Variants in CRIM1 observed in about 807,000 individuals in gnomAD.
The protein encoded by CRIM1 is cysteine rich transmembrane BMP regulator 1, also known as cysteine-rich motor neuron 1 protein.
A neutral mutation model predicts 116.4 loss-of-function variants in CRIM1; 32 were observed. That is an observed-to-expected ratio of 0.27 (90% CI 0.21 to 0.37). The LOEUF is 0.37. Ranked by LOEUF, CRIM1 falls within the 10% of genes least tolerant of loss-of-function variation. CRIM1 has a pLI of 1.00. For missense variants in CRIM1, 1,331 were observed against 1,354.8 expected (o/e 0.98, Z 0.28); for synonymous variants, 590 against 509.2 (o/e 1.16, Z -2.13).
intron 16 of CRIM1, among the ~76,000 whole-genome samples, chr2:36,547,482 A>G (rs112013534): frequency 2.0e-5 from 3 of 152,212 alleles, no homozygotes; most frequent in African/African-American, 7.2e-5. Flanking sequence ...ATCATTGTTT[A>G]TATTAGACAT....
At chr2:36,535,588 T>A (rs1666490270) in intron 13 of CRIM1, among the ~76,000 whole-genome samples, 1 of 152,122 alleles carries the variant, frequency 6.6e-6, no homozygotes, top group Admixed American at 6.5e-5. Context: ...ATGAGAAAAA[T>A]GATAGAAGTT....
intron 7 of CRIM1, among the ~76,000 whole-genome samples, chr2:36,496,845 C>T (rs1183121707): frequency 6.6e-6 from 1 of 152,138 alleles, no homozygotes; most frequent in Non-Finnish European, 1.5e-5. Context: ...CCATTTGTTC[C>T]TTTCACTTTC....
intron 1 of CRIM1, among the ~76,000 whole-genome samples, chr2:36,395,492 C>A (rs536432099): frequency 3.9e-4 from 59 of 152,268 alleles, no homozygotes; most frequent in African/African-American, 1.3e-3. Context: ...TGTGAAAAAA[C>A]CCCATATAAT....
At chr2:36,499,397 G>A (rs1314904282) in intron 8 of CRIM1, 50 bp downstream of exon 8, 1 of 1,549,140 alleles carries the variant, frequency 6.5e-7, no homozygotes, top group Non-Finnish European at 8.9e-7. Context: ...ATATGATATT[G>A]TCAAAGCATA....
At chr2:36,468,700 C>T (rs1335286777) in intron 5 of CRIM1, among the ~76,000 whole-genome samples, 2 of 152,208 alleles carry the variant, frequency 1.3e-5, no homozygotes, top group Non-Finnish European at 2.9e-5. Flanking sequence ...TCAGCTGGAG[C>T]TGGACAATGG....
chr2:36,475,302 A>G lies in CRIM1; in HGVS notation c.992-1587A>G, dbSNP rs146762536. Among the ~76,000 whole-genome samples the G allele has an allele frequency of 1.5e-3, 235 of 152,278 alleles. 1 individual carries two copies. Among genetic ancestry groups the G allele is most frequent in the Admixed American group, 3.7e-3 (57 of 15,298 alleles). ...TGTTATTTTCAAAATACAAGTTTGT[A>G]CTTATGTTATTACATTTATTCCTAA... On this transcript the variant is annotated intron_variant, in intron 5 of 16. Coordinates refer to ENST00000280527, the MANE Select transcript of CRIM1 (RefSeq NM_016441.3).
At chr2:36,403,962 T>G (rs1672601361) in intron 2 of CRIM1, among the ~76,000 whole-genome samples, 1 of 152,126 alleles carries the variant, frequency 6.6e-6, no homozygotes, top group African/African-American at 2.4e-5. Context: ...TAATGACTTT[T>G]TGAGTACATA....
chr2:36,514,952 C>T (rs1166840200), intron 11 of CRIM1, among the ~76,000 whole-genome samples: 3 of 152,140 alleles, frequency 2.0e-5, no homozygotes, highest in Non-Finnish European at 2.9e-5. Flanking sequence ...TGTTTTGTTT[C>T]CCTGTAGTTC....
At chr2:36,422,208 T>C (rs988228743) in intron 2 of CRIM1, among the ~76,000 whole-genome samples, 2 of 151,894 alleles carry the variant, frequency 1.3e-5, no homozygotes, top group Non-Finnish European at 1.5e-5. Context: ...GGGATTTGTC[T>C]CTATTTTGCG....
At chr2:36,542,703 G>A (rs898841561) in intron 14 of CRIM1, among the ~76,000 whole-genome samples, 1 of 152,224 alleles carries the variant, frequency 6.6e-6, no homozygotes, top group Non-Finnish European at 1.5e-5. Context: ...GACTAGGCAG[G>A]GGAGGGGCAG....
intron 2 of CRIM1, among the ~76,000 whole-genome samples, chr2:36,412,059 G>C (rs1370788874): frequency 1.3e-5 from 2 of 152,090 alleles, no homozygotes; most frequent in Admixed American, 6.5e-5. Context: ...GTCGAAAACT[G>C]TCTTCCTTTT....
chr2:36,522,504 A>T (rs147286657), intron 13 of CRIM1, among the ~76,000 whole-genome samples, 191 bp downstream of exon 13: 2 of 152,304 alleles, frequency 1.3e-5, no homozygotes, highest in African/African-American at 2.4e-5. Flanking sequence ...GAGGTGCTGT[A>T]AGAATAAATA....
chr2:36,515,181 G>A (rs1664957257), intron 11 of CRIM1, among the ~76,000 whole-genome samples: 1 of 152,152 alleles, frequency 6.6e-6, no homozygotes, highest in Non-Finnish European at 1.5e-5. Context: ...TTTGTACCTG[G>A]GTCTTTGCTA....
chr2:36,383,490 T>C (rs1426313933), intron 1 of CRIM1, among the ~76,000 whole-genome samples: 1 of 152,264 alleles, frequency 6.6e-6, no homozygotes, highest in African/African-American at 2.4e-5. Context: ...TGCTTCTTTT[T>C]TTCCATGCAG....
rs575535762 is a variant in CRIM1 at position 36,491,943 on chromosome 2, C to T, written c.1373-7276C>T. Among the ~76,000 whole-genome samples, 16 of 152,180 alleles carry T rather than the reference C, an allele frequency of 1.1e-4. No individual in the cohort carries two copies. In the South Asian group the frequency reaches 3.3e-3, roughly 32 times the overall value. ...TATAAAAGATCTAGATTCTTAGAAT[C>T]CAGTGATAATTTTGTGAGCTATCTC... On this transcript the variant is annotated intron_variant, in intron 7 of 16. Transcript: ENST00000280527.
intron 2 of CRIM1, among the ~76,000 whole-genome samples, chr2:36,425,025 A>G (rs1260703132): frequency 6.6e-6 from 1 of 152,150 alleles, no homozygotes; most frequent in Non-Finnish European, 1.5e-5. Context: ...AGATGAAAAT[A>G]ATTGTCCAAA....
intron 1 of CRIM1, among the ~76,000 whole-genome samples, chr2:36,389,897 A>G (rs1055829859): frequency 6.6e-6 from 1 of 152,186 alleles, no homozygotes; most frequent in African/African-American, 2.4e-5. Flanking sequence ...GCTCCTTAGC[A>G]CAGGGGGCTA....
At chr2:36,517,260 A>G in intron 11 of CRIM1, 67 bp from the exon 12 acceptor site, 2 of 1,300,928 alleles carry the variant, frequency 1.5e-6, no homozygotes, top group Non-Finnish European at 2.2e-6. Flanking sequence ...AGCAAACAGC[A>G]CCAGGCTTTC....
intron 15 of CRIM1, among the ~76,000 whole-genome samples, chr2:36,545,494 T>G (rs1490211661): frequency 6.6e-6 from 1 of 152,202 alleles, no homozygotes; most frequent in Admixed American, 6.5e-5. Flanking sequence ...ATCTATGTTA[T>G]AAAGCCCCTA....
Sources: gnomAD v4.1 joint callset for allele counts (sites outside exome capture counted in the v4.1 genomes callset) on GRCh38, gnomAD v4.1.1 for gene constraint, MANE v1.5 for transcripts, NCBI Gene and HGNC (gene_info 2026-07-23, HGNC 2026-07-21) for gene names.